Variants in SYNRG observed in about 807,000 individuals in gnomAD.
SYNRG encodes AP1 gamma subunit binding protein 1.
Under a neutral mutation model 130.9 loss-of-function variants are expected in SYNRG, and 37 were observed. That is an observed-to-expected ratio of 0.28 (90% CI 0.22 to 0.37). The LOEUF (loss-of-function observed/expected upper bound fraction) is 0.37, where lower values mean the gene tolerates loss of function less well. Ranked by LOEUF, SYNRG falls within the 10% of genes least tolerant of loss-of-function variation. SYNRG has a pLI of 1.00. For missense variants in SYNRG, 1,338 were observed against 1,588.9 expected, an observed-to-expected ratio of 0.84 and a Z score of 2.68; for synonymous variants, 539 against 568.1, an observed-to-expected ratio of 0.95 and a Z score of 0.73.
intron 3 of SYNRG, among the ~76,000 whole-genome samples, chr17:37,594,210 T>C (rs2062492209): frequency 7.5e-6 from 1 of 133,844 alleles, no homozygotes; most frequent in Non-Finnish European, 1.6e-5. Context: ...TTAATTACAA[T>C]ATTAATTATT....
At chr17:37,597,563 T>G (rs988292919) in intron 2 of SYNRG, among the ~76,000 whole-genome samples, 1 of 152,202 alleles carries the variant, frequency 6.6e-6, no homozygotes, top group Non-Finnish European at 1.5e-5. Flanking sequence ...CTCAAAGAAA[T>G]GTTATTCTTC....
rs2054391002 is a variant in SYNRG, at chr17:37,515,887, A to G, written c.*3053T>C. 1 of 152,230 alleles carries G rather than the reference A, an allele frequency of 6.6e-6. No homozygotes were observed. Among genetic ancestry groups the G allele is most frequent in the Non-Finnish European group, 1.5e-5 (1 of 68,040 alleles). The allele number at this position is 152,230 out of a possible 1,614,324, so 9.4% of individuals were successfully genotyped here. ...GCAAACAGAAGACACCTTTAAACAA[A>G]TAAGACCCCCCCAAAACCCTTCAAA... is the stretch of plus-strand genomic sequence containing the variant. On this transcript the variant is annotated 3_prime_UTR_variant, in exon 22 of 22. Coordinates refer to ENST00000612223, the MANE Select transcript of SYNRG (RefSeq NM_007247.6).
In SYNRG at chr17:37,561,256, A is replaced by C; in HGVS notation, c.1602T>G (p.Asp534Glu). Residue 534 changes from aspartate (D) to glutamate (E), a missense_variant and splice_region_variant, in exon 13 of 22, where the codon GAT becomes GAG. Transcript: ENST00000612223. ...TGAAAGCACTATATTTATCACCAGG[A>C]TCTATGATAGAAAGGACAGAAGCTC... ...KSSENTVPPG[D>E]PGDKYSAFRE... 6.2e-7 allele frequency: 1 copy of C among 1,613,652 alleles called. No individual in the cohort carries two copies. The highest frequency in any genetic ancestry group is 8.5e-7 in the Non-Finnish European group (1 of 1,179,868).
intron 3 of SYNRG, among the ~76,000 whole-genome samples, chr17:37,593,438 T>C (rs1006132296): frequency 6.6e-6 from 1 of 151,960 alleles, no homozygotes; most frequent in Admixed American, 6.6e-5. Flanking sequence ...TTTTTTTATG[T>C]TGACTTTTAT....
intron 11 of SYNRG, chr17:37,567,961 T>C (rs1338142186): frequency 6.6e-6 from 1 of 152,090 alleles, no homozygotes; most frequent in Admixed American, 6.6e-5. Context: ...CCTAGCACTT[T>C]AGGAGGTCAA....
chr17:37,608,989 C>A (rs927460155), intron 1 of SYNRG, among the ~76,000 whole-genome samples: 7 of 144,166 alleles, frequency 4.9e-5, no homozygotes, highest in Non-Finnish European at 1.1e-4. Flanking sequence ...TTGCCCCGCC[C>A]CCCCCCACCC....
intron 6 of SYNRG, 122 bp from the exon 7 acceptor site, chr17:37,577,735 G>C (rs1643694693): frequency 1.4e-6 from 1 of 721,164 alleles, no homozygotes; most frequent in African/African-American, 2.3e-5. Context: ...ATCTCACTCT[G>C]TCACCCAGGC....
intron 1 of SYNRG, among the ~76,000 whole-genome samples, chr17:37,606,999 C>A (rs906932031): frequency 2.0e-5 from 3 of 152,050 alleles, no homozygotes; most frequent in African/African-American, 7.2e-5. Context: ...TAACTTCAGC[C>A]TTTACACCAT....
At chr17:37,523,562 C>T (rs2055417597) in intron 19 of SYNRG, among the ~76,000 whole-genome samples, 1 of 152,220 alleles carries the variant, frequency 6.6e-6, no homozygotes, top group Admixed American at 6.5e-5. Context: ...GGATTTAACA[C>T]ACTAGTGCGA....
At chr17:37,606,612 T>C (rs1186865676) in intron 1 of SYNRG, among the ~76,000 whole-genome samples, 1 of 151,838 alleles carries the variant, frequency 6.6e-6, no homozygotes, top group Admixed American at 6.6e-5. Flanking sequence ...TACAGACTAA[T>C]CCAGATCTTT....
At chr17:37,604,111 G>A (rs939867131) in intron 1 of SYNRG, among the ~76,000 whole-genome samples, 2 of 151,912 alleles carry the variant, frequency 1.3e-5, no homozygotes, top group Admixed American at 6.6e-5. Flanking sequence ...GTGGTGGTGC[G>A]TGCCTGTAAT....
chr17:37,541,919 C>T (rs754072259), intron 15 of SYNRG, 53 bp downstream of exon 15: 1 of 1,488,218 alleles, frequency 6.7e-7, no homozygotes, highest in Non-Finnish European at 9.2e-7. Flanking sequence ...GAACATCTAA[C>T]ATCTCAGTGG....
Position 37,605,459 on chromosome 17 carries a change from A to C in SYNRG, c.77+3820T>G, listed in dbSNP as rs138584200. Among the ~76,000 whole-genome samples the C allele has an allele frequency of 4.7e-3, 711 of 152,296 alleles. 6 individuals carry two copies. The highest frequency in any genetic ancestry group is 0.016 in the African/African-American group (683 of 41,556). On this transcript the variant is annotated intron_variant, in intron 1 of 21. Transcript: ENST00000612223. ...TCTGTCAAATGAGGACGTAGAATCA[A>C]GGCTGCTAAAGTCTCAGCTAAGACA...
chr17:37,566,528 A>G (rs2060012227), intron 11 of SYNRG, among the ~76,000 whole-genome samples: 1 of 147,244 alleles, frequency 6.8e-6, no homozygotes. Flanking sequence ...GCCTAGGAAA[A>G]CCAGAGACCT....
chr17:37,605,895 G>A (rs1438828847), intron 1 of SYNRG: 1 of 985,166 alleles, frequency 1.0e-6, no homozygotes, highest in Admixed American at 6.2e-5. Flanking sequence ...CACTTCTTAG[G>A]CCTAAACTCC....
chr17:37,536,519 A>G (rs1001484771), intron 18 of SYNRG: 1 of 178,914 alleles, frequency 5.6e-6, no homozygotes, highest in Middle Eastern at 2.2e-3. Context: ...GGCAGGCACT[A>G]TGCAAGTTAT....
chr17:37,567,600 C>T (rs2060093453), intron 11 of SYNRG: 1 of 152,172 alleles, frequency 6.6e-6, no homozygotes, highest in Non-Finnish European at 1.5e-5. Flanking sequence ...TTATATGTTT[C>T]TTCTATATGT....
intron 14 of SYNRG, among the ~76,000 whole-genome samples, chr17:37,543,946 G>A (rs998337084): frequency 3.9e-5 from 6 of 152,230 alleles, no homozygotes; most frequent in Non-Finnish European, 7.3e-5. Flanking sequence ...TGATTTACAA[G>A]GAAAGTGCTC....
At chr17:37,526,183 T>G (rs1436093528) in intron 19 of SYNRG, among the ~76,000 whole-genome samples, 3 of 151,622 alleles carry the variant, frequency 2.0e-5, no homozygotes, top group Non-Finnish European at 4.4e-5. Flanking sequence ...AAGACCAATG[T>G]GCTATTTCTC....
Sources: gnomAD v4.1 joint callset for allele counts (sites outside exome capture counted in the v4.1 genomes callset) on GRCh38, gnomAD v4.1.1 for gene constraint, MANE v1.5 for transcripts, NCBI Gene and HGNC (gene_info 2026-07-23, HGNC 2026-07-21) for gene names.